Variants in ZAN observed in about 807,000 individuals in gnomAD.
The protein encoded by ZAN is zonadhesin (gene/pseudogene).
In ZAN, 260 loss-of-function variants were observed where a neutral mutation model predicts 286.2. The observed-to-expected ratio is 0.91, with a 90% confidence interval of 0.82 to 1.01. ZAN has a LOEUF of 1.01. Ranked by LOEUF, ZAN falls within the 50% of genes least tolerant of loss-of-function variation. The pLI, the probability that ZAN is intolerant of heterozygous loss-of-function variation, is 0.00. For synonymous variants in ZAN, 1,368 were observed against 1,417.5 expected (o/e 0.97, Z 0.79); for missense variants, 3,410 against 3,639.2 (o/e 0.94, Z 1.62).
chr7:100,767,947 C>A lies in ZAN; in HGVS notation c.4977C>A (p.Asp1659Glu). 6.2e-7 allele frequency: 1 copy of A among 1,613,912 alleles called. No homozygotes were observed. Among genetic ancestry groups the A allele is most frequent in the Non-Finnish European group, 8.5e-7 (1 of 1,179,878 alleles). The change falls in exon 26 of 48, where the codon GAC becomes GAA. Residue 1659 changes from aspartate (D) to glutamate (E), a missense_variant. Asp to Glu is a conservative substitution (Grantham distance 45). Transcript: ENST00000613979. ...YTNFGLQVRYDGSHLVEVTVP... is the reference protein window; with the variant it reads ...YTNFGLQVRYEGSHLVEVTVP... Reference sequence around the variant, plus strand: ...ACTTTGGGCTCCAAGTTCGCTACGACGGGAGCCACTTGGTGGAAGTGACAG... The same window carrying A: ...ACTTTGGGCTCCAAGTTCGCTACGAAGGGAGCCACTTGGTGGAAGTGACAG...
At chr7:100,738,066 C>T (rs1807439865) in intron 6 of ZAN, among the ~76,000 whole-genome samples, 2 of 140,428 alleles carry the variant, frequency 1.4e-5, no homozygotes, top group South Asian at 2.2e-4. Context: ...AAATGATTCT[C>T]CTGCCTCAGT....
In ZAN at chr7:100,763,898, A is replaced by T. The variant is rs371719525; in HGVS notation, c.4079A>T (p.Asp1360Val). The T allele has an allele frequency of 5.0e-6, 8 of 1,613,860 alleles. No homozygotes were observed. The African/African-American group carries it at 8.0e-5, about 16-fold the overall frequency. ...SGPGFCGRLV[D>V]THGPFETCLL... Reference sequence around the variant, plus strand: ...CCAGGGTTCTGTGGACGGCTGGTCGACACTCATGGCCCATTTGAGTATGAA... The same window carrying T: ...CCAGGGTTCTGTGGACGGCTGGTCGTCACTCATGGCCCATTTGAGTATGAA... The change falls in exon 21 of 48, where the codon GAC becomes GTC. Residue 1360 changes from aspartate to valine, a missense_variant. Physicochemically the swap from Asp to Val is radical, Grantham distance 152. Transcript: ENST00000613979. This position sits in a 1 kb window ranked among gnomAD's most constrained non-coding sequence, Gnocchi z 4.6.
chr7:100,762,256 A>T lies in ZAN; in HGVS notation c.3884A>T (p.Asp1295Val), dbSNP rs757620216. 6.8e-6 allele frequency: 11 copies of T among 1,613,260 alleles called. No homozygotes were observed. The highest frequency in any genetic ancestry group is 1.6e-4 in the Middle Eastern group (1 of 6,082). Residue 1295 changes from aspartate to valine, a missense_variant, in exon 20 of 48, where the codon GAC becomes GTC. Transcript: ENST00000613979. ...CTCTGTGGTTTGTGTGGGAACTATGACGGCAACAGTGACAATGACCACCTG... is the reference window on the plus strand; with the variant it reads ...CTCTGTGGTTTGTGTGGGAACTATGTCGGCAACAGTGACAATGACCACCTG... The part of the protein sequence containing the change: ...GKLCGLCGNY[D>V]GNSDNDHLKL...
chr7:100,749,719 C>CAT (rs1309975942), intron 11 of ZAN, among the ~76,000 whole-genome samples: 3 of 138,756 alleles, frequency 2.2e-5, no homozygotes, highest in Non-Finnish European at 3.2e-5. Context: ...TATACACACA[C>CAT]ACACATATAT....
intron 20 of ZAN, 59 bp downstream of exon 20, chr7:100,762,417 CTCTTTTTT>C: frequency 1.9e-6 from 2 of 1,063,530 alleles, no homozygotes; most frequent in Non-Finnish European, 2.5e-6. Flanking sequence ...TCCTGGAACT[CTCTTTTTT>C]TTTTTTTTTT....
At chr7:100,754,029 G>A (rs1378949741) in intron 14 of ZAN, among the ~76,000 whole-genome samples, 1 of 151,980 alleles carries the variant, frequency 6.6e-6, no homozygotes, top group African/African-American at 2.4e-5. Flanking sequence ...TATATCCATG[G>A]ATTTGCCAGT....
intron 18 of ZAN, 84 bp from the exon 19 acceptor site, chr7:100,760,307 C>T: frequency 6.5e-7 from 1 of 1,548,068 alleles, no homozygotes; most frequent in Non-Finnish European, 8.8e-7. Context: ...GGTGTCCTGC[C>T]TCCCAGCTAT....
At chr7:100,755,150 G>C in intron 14 of ZAN, 76 bp from the exon 15 acceptor site, 1 of 1,484,676 alleles carries the variant, frequency 6.7e-7, no homozygotes, top group South Asian at 1.3e-5. Context: ...CTTGAGTTTG[G>C]GGGTAGAGGA....
intron 36 of ZAN, 73 bp downstream of exon 36, chr7:100,784,907 T>C (rs1811462796): frequency 6.9e-7 from 1 of 1,441,226 alleles, no homozygotes; most frequent in South Asian, 1.4e-5. Flanking sequence ...TCTCTGCCTC[T>C]CTCAGCCTGG....
At chr7:100,750,552 A>G in intron 11 of ZAN, 73 bp from the exon 12 acceptor site, 1 of 1,534,742 alleles carries the variant, frequency 6.5e-7, no homozygotes, top group Non-Finnish European at 8.8e-7. Context: ...TCAGAAAGCA[A>G]AGCTTTGCTA....
chr7:100,767,816 TC>T lies in ZAN; in HGVS notation c.4861-12del. 6.2e-7 allele frequency: 1 copy of T among 1,608,484 alleles called. No individual in the cohort carries two copies. Among genetic ancestry groups the T allele is most frequent in the South Asian group, 1.1e-5 (1 of 90,388 alleles). ...TTTCCTGACTCTCCTTTCTACGTCC[TC>T]CCTGCCTCTGCAGCTGAATGGCCAT... On this transcript the variant is annotated splice_polypyrimidine_tract_variant and intron_variant, in intron 25 of 47. Coordinates refer to ENST00000613979, the MANE Select transcript of ZAN (RefSeq NM_003386.3).
chr7:100,797,497 G>C, intron 46 of ZAN, 32 bp downstream of exon 46: 2 of 1,613,848 alleles, frequency 1.2e-6, no homozygotes, highest in Non-Finnish European at 1.7e-6. Flanking sequence ...GGAAGGGCGG[G>C]TGGGGTGTGC....
chr7:100,758,695 G>A (rs764496317), intron 17 of ZAN, 45 bp downstream of exon 17: 1 of 1,543,444 alleles, frequency 6.5e-7, no homozygotes, highest in South Asian at 1.2e-5. Context: ...AGGGTCTGTG[G>A]GCAGCGCTGC....
At chr7:100,735,653 C>A in intron 2 of ZAN, 67 bp from the exon 3 acceptor site, 3 of 1,205,466 alleles carry the variant, frequency 2.5e-6, no homozygotes, top group South Asian at 2.6e-5. Flanking sequence ...AGCTCACAGT[C>A]ACTGAATCTT....
chr7:100,796,282 TC>T (rs1812358651), intron 45 of ZAN, among the ~76,000 whole-genome samples: 1 of 152,084 alleles, frequency 6.6e-6, no homozygotes. Context: ...AAACTACAAT[TC>T]CCATGGGCTT....
At chr7:100,791,189 C>A (rs1052851961) in intron 40 of ZAN, 76 bp downstream of exon 40, 3 of 1,509,100 alleles carry the variant, frequency 2.0e-6, no homozygotes, top group African/African-American at 2.8e-5. Flanking sequence ...GCCCTCCTGT[C>A]CTCAGGAGAG....
chr7:100,758,286 T>C lies in ZAN; in HGVS notation c.3394T>C (p.Cys1132Arg), dbSNP rs377530896. The change falls in exon 16 of 48, where the codon TGT (cysteine) becomes CGT (arginine). Residue 1132 changes from cysteine to arginine, a missense_variant. Around this residue, in one of 7 missense-constraint regions of ZAN, gnomAD observed 1,042 missense variants for 1,058.0 expected, o/e 0.98. Transcript: ENST00000613979. ...TCGGGTCGAGTGCCAGATCTCTCAGTGTGGGACACACACCGTGTGCCAGCT... is the reference window on the plus strand; with the variant it reads ...TCGGGTCGAGTGCCAGATCTCTCAGCGTGGGACACACACCGTGTGCCAGCT... ...GSRVECQISQ[C>R]GTHTVCQLKN... 1.2e-6 allele frequency: 2 copies of C among 1,613,284 alleles called. No homozygotes were observed. Among genetic ancestry groups the C allele is most frequent in the South Asian group, 1.1e-5 (1 of 91,078 alleles).
chr7:100,749,711 T>TGC (rs1390692231), intron 11 of ZAN, among the ~76,000 whole-genome samples: 1 of 128,978 alleles, frequency 7.8e-6, no homozygotes, highest in East Asian at 2.5e-4. Context: ...CATATATATA[T>TGC]ACACACACAC....
chr7:100,753,230 G>C lies in ZAN; in HGVS notation c.3124+1G>C. 1 of 1,578,644 alleles carries C rather than the reference G, an allele frequency of 6.3e-7. No homozygotes were observed. Among genetic ancestry groups the C allele is most frequent in the Non-Finnish European group, 8.6e-7 (1 of 1,162,964 alleles). ...ACCACAACCTCCAGATCCAGTACAGGTATGAGGTGGATGGAGCGTGGGCCA... is the reference window on the plus strand; with the variant it reads ...ACCACAACCTCCAGATCCAGTACAGCTATGAGGTGGATGGAGCGTGGGCCA... On this transcript the variant is annotated splice_donor_variant, in intron 14 of 47. Coordinates refer to ENST00000613979, the MANE Select transcript of ZAN (RefSeq NM_003386.3). LOFTEE classifies it high-confidence loss of function.
Sources: allele counts gnomAD v4.1 joint callset (sites outside exome capture counted in the v4.1 genomes callset), GRCh38; gene constraint gnomAD v4.1.1; regional missense constraint gnomAD v4.1.1; non-coding constraint Gnocchi (gnomAD v3.1); transcripts MANE v1.5; gene names NCBI Gene and HGNC (gene_info 2026-07-23, HGNC 2026-07-21).